MECOM: variants seen among roughly 807,000 people sequenced by gnomAD.
MECOM encodes the protein MDS1 and EVI1 complex locus, also known as histone-lysine N-methyltransferase MECOM.
In MECOM, 13 loss-of-function variants were observed where a neutral mutation model predicts 116.3. The ratio of observed to expected loss-of-function variants is 0.11; its 90% CI spans 0.07 to 0.18. The LOEUF (loss-of-function observed/expected upper bound fraction) is 0.18, where lower values mean the gene tolerates loss of function less well. Ranked by LOEUF, MECOM falls within the 10% of genes least tolerant of loss-of-function variation. The pLI, the probability that MECOM is intolerant of heterozygous loss-of-function variation, is 1.00. For synonymous variants in MECOM, 528 were observed against 535.2 expected, an observed-to-expected ratio of 0.99 and a Z score of 0.19; for missense variants, 1,299 against 1,509.0, an observed-to-expected ratio of 0.86 and a Z score of 2.31.
At chr3:169,321,000 G>C (rs1254575264) in intron 2 of MECOM, among the ~76,000 whole-genome samples, 1 of 152,162 alleles carries the variant, frequency 6.6e-6, no homozygotes, top group Non-Finnish European at 1.5e-5. Flanking sequence ...AAATAACCCA[G>C]GGTCTCCATG....
intron 1 of MECOM, among the ~76,000 whole-genome samples, chr3:169,572,946 C>T (rs1764091440): frequency 6.6e-6 from 1 of 151,982 alleles, no homozygotes; most frequent in Non-Finnish European, 1.5e-5. Context: ...CCTGCACGTT[C>T]TGCACATGTA....
intron 1 of MECOM, among the ~76,000 whole-genome samples, chr3:169,546,297 A>G (rs1760713560): frequency 1.3e-5 from 2 of 152,222 alleles, no homozygotes; most frequent in Non-Finnish European, 2.9e-5. Flanking sequence ...TGTATATGTT[A>G]ACATATTTTC....
At chr3:169,090,939 A>C (rs922373195) in intron 14 of MECOM, among the ~76,000 whole-genome samples, 1 of 152,066 alleles carries the variant, frequency 6.6e-6, no homozygotes, top group Non-Finnish European at 1.5e-5. Context: ...ACATAACAAA[A>C]ATGAGTATAA....
intron 1 of MECOM, among the ~76,000 whole-genome samples, chr3:169,413,188 T>C (rs777699194): frequency 1.3e-5 from 2 of 152,206 alleles, no homozygotes; most frequent in Non-Finnish European, 2.9e-5. Flanking sequence ...TAGACAGTGG[T>C]TGCAGCCCAC....
chr3:169,161,799 C>T (rs1742888526), intron 2 of MECOM, among the ~76,000 whole-genome samples: 1 of 152,132 alleles, frequency 6.6e-6, no homozygotes, highest in Non-Finnish European at 1.5e-5. Flanking sequence ...CTCTCTCTCT[C>T]TCCCTGTCAT....
At chr3:169,415,605 G>A (rs1013380681) in intron 1 of MECOM, among the ~76,000 whole-genome samples, 2 of 151,858 alleles carry the variant, frequency 1.3e-5, no homozygotes, top group South Asian at 2.1e-4. Context: ...CAAGAGTCAA[G>A]ACCCATCAGT....
chr3:169,088,160 T>G (rs1718439447), intron 16 of MECOM, among the ~76,000 whole-genome samples: 2 of 151,046 alleles, frequency 1.3e-5, no homozygotes, highest in East Asian at 1.9e-4. Context: ...ACATACAAAA[T>G]GAACTAATGG....
At chr3:169,510,205 A>G (rs1229680411) in intron 1 of MECOM, among the ~76,000 whole-genome samples, 1 of 152,162 alleles carries the variant, frequency 6.6e-6, no homozygotes, top group Non-Finnish European at 1.5e-5. Flanking sequence ...TCATCACTGT[A>G]AACTCCTGCA....
intron 1 of MECOM, among the ~76,000 whole-genome samples, chr3:169,493,361 C>T (rs1042999673): frequency 1.3e-5 from 2 of 152,130 alleles, no homozygotes; most frequent in Non-Finnish European, 2.9e-5. Context: ...AAGCTTTAAT[C>T]TCTTGCAAAA....
intron 1 of MECOM, among the ~76,000 whole-genome samples, chr3:169,482,729 A>G (rs1403877961): frequency 6.6e-6 from 1 of 152,196 alleles, no homozygotes; most frequent in African/African-American, 2.4e-5. Context: ...GCTGGACTGA[A>G]GAAAGGAACT....
In MECOM at chr3:169,116,547, C is replaced by A; in HGVS notation, c.1325G>T (p.Gly442Val). 1 of 1,614,138 alleles carries A rather than the reference C, an allele frequency of 6.2e-7. No individual in the cohort carries two copies. The highest frequency in any genetic ancestry group is 8.5e-7 in the Non-Finnish European group (1 of 1,180,002). Residue 442 changes from glycine to valine, a missense_variant, in exon 8 of 17, where the codon GGC becomes GTC. By Grantham distance (109) the Gly-to-Val change is moderately radical. Transcript: ENST00000651503. ...HFAAGGFFGQ[G>V]ISLPGTPAMD... ...AGCTGGGGTTCCAGGAAGTGAAATGCCTTGGCCAAAAAATCCACCTGCCGC... is the reference window on the plus strand; with the variant it reads ...AGCTGGGGTTCCAGGAAGTGAAATGACTTGGCCAAAAAATCCACCTGCCGC...
intron 1 of MECOM, among the ~76,000 whole-genome samples, chr3:169,412,940 T>A (rs1258245038): frequency 1.3e-5 from 2 of 152,256 alleles, no homozygotes; most frequent in Admixed American, 6.5e-5. Flanking sequence ...CTTACTTTTG[T>A]GTTTTATTCA....
chr3:169,137,931 A>C (rs1228750490), intron 3 of MECOM, among the ~76,000 whole-genome samples: 3 of 152,086 alleles, frequency 2.0e-5, no homozygotes, highest in Non-Finnish European at 2.9e-5. Flanking sequence ...CAGACCCCCC[A>C]AAAATATCCA....
intron 5 of MECOM, among the ~76,000 whole-genome samples, chr3:169,127,398 A>AAAT (rs1239942419): frequency 1.3e-5 from 2 of 152,250 alleles, no homozygotes; most frequent in African/African-American, 4.8e-5. Context: ...TCAATTGTTG[A>AAAT]AATTAAATCC....
Position 169,176,301 on chromosome 3 carries a change from G to A in MECOM, c.376-32469C>T, listed in dbSNP as rs116411921. Among the ~76,000 whole-genome samples, 618 of 152,198 alleles carry A rather than the reference G, an allele frequency of 4.1e-3. 4 individuals are homozygous for A. Among genetic ancestry groups the A allele is most frequent in the African/African-American group, 0.014 (582 of 41,538 alleles). ...GATCAGGGAAGTCTCCCTCAGGAAA[G>A]GATGTTTAATATGCAACATGAAATA... On this transcript the variant is annotated intron_variant, in intron 2 of 16. Coordinates refer to ENST00000651503, the MANE Select transcript of MECOM (RefSeq NM_004991.4).
chr3:169,090,020 A>C lies in MECOM; in HGVS notation c.3381T>G (p.Ser1127Arg). The C allele has an allele frequency of 6.2e-7, 1 of 1,613,252 alleles. No individual in the cohort carries two copies. Among genetic ancestry groups the C allele is most frequent in the South Asian group, 1.1e-5 (1 of 91,008 alleles). ...CTCACCTCACTGGGGATGTCTTGCA[A>C]CTCATCTCCAGGGCACTGGTTTCTT... ...DYEETSALEM[S>R]CKTSPVRYKE... The change falls in exon 15 of 17, where the codon AGT becomes AGG. Residue 1127 changes from serine to arginine, a missense_variant. Transcript: ENST00000651503.
At chr3:169,094,629 G>A (rs1720924065) in intron 13 of MECOM, among the ~76,000 whole-genome samples, 1 of 152,170 alleles carries the variant, frequency 6.6e-6, no homozygotes, top group Non-Finnish European at 1.5e-5. Flanking sequence ...ATTACCAAGA[G>A]AGGTTCTCTG....
intron 1 of MECOM, among the ~76,000 whole-genome samples, chr3:169,392,150 G>A (rs1247335833): frequency 6.6e-6 from 1 of 152,082 alleles, no homozygotes; most frequent in Non-Finnish European, 1.5e-5. Flanking sequence ...AAAATTATTT[G>A]CAGTTAGCAG....
At chr3:169,529,457 G>C (rs960638905) in intron 1 of MECOM, among the ~76,000 whole-genome samples, 5 of 152,134 alleles carry the variant, frequency 3.3e-5, no homozygotes, top group Non-Finnish European at 7.3e-5. Context: ...CGTTTAGCTT[G>C]CTAACAATTG....
Sources: gnomAD v4.1 joint callset for allele counts (sites outside exome capture counted in the v4.1 genomes callset) on GRCh38, gnomAD v4.1.1 for gene constraint, MANE v1.5 for transcripts, NCBI Gene and HGNC (gene_info 2026-07-23, HGNC 2026-07-21) for gene names.